Variants in ABCB1 observed in about 807,000 individuals in gnomAD.
ABCB1 encodes ATP-dependent translocase ABCB1.
Under a neutral mutation model 142.0 loss-of-function variants are expected in ABCB1, and 69 were observed. The ratio of observed to expected loss-of-function variants is 0.49; its 90% CI spans 0.40 to 0.59. The LOEUF (loss-of-function observed/expected upper bound fraction) is 0.59. Among genes scored for constraint, ABCB1 ranks in the 20% least tolerant of loss-of-function variants. ABCB1 has a pLI of 0.00. For missense variants in ABCB1, 1,326 were observed against 1,554.7 expected (o/e 0.85, Z 2.47); for synonymous variants, 532 against 539.2 (o/e 0.99, Z 0.18).
At chr7:87,548,231 GAAGGGAAGGGAAGGGAAAGA>G (rs1563046535) in intron 14 of ABCB1, among the ~76,000 whole-genome samples, 16 of 42,114 alleles carry the variant, frequency 3.8e-4, no homozygotes, top group Non-Finnish European at 3.6e-4. Context: ...GAAGGGAAAG[GAAGGGAAGGGAAGGGAAAGA>G]AAGGGAAGGG....
chr7:87,567,085 C>G, intron 5 of ABCB1, 109 bp from the exon 6 acceptor site: 2 of 1,009,802 alleles, frequency 2.0e-6, no homozygotes, highest in Non-Finnish European at 3.1e-6. Context: ...ATCTCGCCAT[C>G]CTTAACAAAT....
At chr7:87,616,893 T>C (rs1820048649) in intron 1 of ABCB1, among the ~76,000 whole-genome samples, 1 of 152,168 alleles carries the variant, frequency 6.6e-6, no homozygotes, top group Admixed American at 6.5e-5. Flanking sequence ...TCTTCCCTTA[T>C]GATAAGGGCA....
intron 4 of ABCB1, among the ~76,000 whole-genome samples, chr7:87,580,696 C>T (rs1304672906): frequency 6.6e-6 from 1 of 152,064 alleles, no homozygotes; most frequent in Non-Finnish European, 1.5e-5. Context: ...TTGGATTTAC[C>T]CTTTTAAGGC....
chr7:87,565,870 T>C (rs1817765201), intron 7 of ABCB1, among the ~76,000 whole-genome samples, 200 bp downstream of exon 7: 1 of 152,054 alleles, frequency 6.6e-6, no homozygotes, highest in Admixed American at 6.6e-5. Context: ...AATAATCACA[T>C]GGCCAAGAAC....
intron 1 of ABCB1, among the ~76,000 whole-genome samples, chr7:87,626,222 A>AT (rs35267921): frequency 0.014 from 162 of 11,578 alleles, 27 homozygotes; most frequent in East Asian, 0.049. Context: ...TGTCATATAT[A>AT]TGTCATATAT....
intron 3 of ABCB1, among the ~76,000 whole-genome samples, chr7:87,594,087 G>C (rs1254429324): frequency 1.3e-5 from 2 of 152,140 alleles, no homozygotes; most frequent in African/African-American, 4.8e-5. Flanking sequence ...GTGTTTATAA[G>C]TTTTATATTG....
intron 20 of ABCB1, among the ~76,000 whole-genome samples, chr7:87,533,572 AC>A (rs1324694156): frequency 6.6e-6 from 1 of 152,222 alleles, no homozygotes; most frequent in Admixed American, 6.5e-5. Context: ...TACACTGATT[AC>A]TATTCCTTTA....
chr7:87,508,441 T>C (rs925014168), intron 26 of ABCB1, among the ~76,000 whole-genome samples: 1 of 152,230 alleles, frequency 6.6e-6, no homozygotes, highest in African/African-American at 2.4e-5. Flanking sequence ...TGGTCCCAAG[T>C]ATTTTGGACA....
chr7:87,603,543 C>T (rs1257011792), upstream of ABCB1, among the ~76,000 whole-genome samples: 1 of 152,210 alleles, frequency 6.6e-6, no homozygotes, highest in Admixed American at 6.5e-5. Flanking sequence ...TTCCTCTTAG[C>T]TTTTAAGAAC....
chr7:87,550,460 C>T lies in ABCB1; in HGVS notation c.1224+8G>A. On this transcript the variant is annotated splice_region_variant and intron_variant, in intron 11 of 27. Transcript: ENST00000622132. ...GATTAATTGTTGATTAATCATTTAT[C>T]ACTGTACCTTAACTTCTTTTCGAGA... 1 of 1,609,430 alleles carries T rather than the reference C, an allele frequency of 6.2e-7. No individual in the cohort carries two copies.
At chr7:87,684,117 A>G (rs1827208977) in intron 1 of ABCB1, among the ~76,000 whole-genome samples, 1 of 152,246 alleles carries the variant, frequency 6.6e-6, no homozygotes, top group Non-Finnish European at 1.5e-5. Flanking sequence ...AAATCTTTAC[A>G]GCTAGGTATT....
intron 7 of ABCB1, among the ~76,000 whole-genome samples, chr7:87,562,418 C>T (rs868458188): frequency 3.9e-5 from 6 of 152,116 alleles, no homozygotes; most frequent in Non-Finnish European, 7.4e-5. Flanking sequence ...GGGTGGCCAG[C>T]GCCATCCCTT....
In ABCB1 at chr7:87,505,955, T is replaced by C. The variant is rs759250541; in HGVS notation, c.3578A>G (p.Gln1193Arg). 6.2e-7 allele frequency: 1 copy of C among 1,614,194 alleles called. No homozygotes were observed. ...TTCATCCAAAAGCAAAATATGAGGC[T>C]GTCTAACAAGGGCACGAGCTATGGC... Reference protein sequence around the residue: ...RIAIARALVRQPHILLLDEAT... With the variant: ...RIAIARALVRRPHILLLDEAT... The change falls in exon 27 of 28, where the codon CAG becomes CGG. Residue 1193 changes from glutamine to arginine, a missense_variant. Coordinates refer to ENST00000622132, the MANE Select transcript of ABCB1 (RefSeq NM_001348946.2).
At chr7:87,519,769 A>C (rs944461531) in intron 22 of ABCB1, among the ~76,000 whole-genome samples, 1 of 152,212 alleles carries the variant, frequency 6.6e-6, no homozygotes, top group African/African-American at 2.4e-5. Context: ...AGTAAAAGTT[A>C]TCTCCCTTTC....
At chr7:87,617,776 C>T (rs1196770454) in intron 1 of ABCB1, among the ~76,000 whole-genome samples, 1 of 152,132 alleles carries the variant, frequency 6.6e-6, no homozygotes, top group East Asian at 1.9e-4. Flanking sequence ...ATCTTGTAAG[C>T]CTTTGGTTTC....
intron 1 of ABCB1, among the ~76,000 whole-genome samples, chr7:87,632,713 T>G: frequency 6.6e-6 from 1 of 152,202 alleles, no homozygotes; most frequent in East Asian, 1.9e-4. Flanking sequence ...TTTCTGTCCT[T>G]TATAAGCTTC....
chr7:87,646,793 A>C (rs1248824567), intron 1 of ABCB1, among the ~76,000 whole-genome samples: 1 of 152,176 alleles, frequency 6.6e-6, no homozygotes, highest in African/African-American at 2.4e-5. Flanking sequence ...GTAGGAAATA[A>C]AAGTTTTCAA....
At chr7:87,592,927 TC>T (rs926748393) in intron 3 of ABCB1, among the ~76,000 whole-genome samples, 2 of 139,120 alleles carry the variant, frequency 1.4e-5, no homozygotes, top group Admixed American at 7.2e-5. Context: ...GAATATATAA[TC>T]TTTTTTTTTT....
At chr7:87,605,938 G>C (rs1385454177) in intron 1 of ABCB1, among the ~76,000 whole-genome samples, 1 of 151,928 alleles carries the variant, frequency 6.6e-6, no homozygotes, top group African/African-American at 2.4e-5. Context: ...GCTAGTAATG[G>C]ACATTGAAAA....
Sources: allele counts gnomAD v4.1 joint callset (sites outside exome capture counted in the v4.1 genomes callset), GRCh38; gene constraint gnomAD v4.1.1; transcripts MANE v1.5; gene names NCBI Gene and HGNC (gene_info 2026-07-23, HGNC 2026-07-21).